PITPNM3: variants seen among roughly 807,000 people sequenced by gnomAD.
PITPNM3 encodes the protein PITPNM family member 3.
A neutral mutation model predicts 102.0 loss-of-function variants in PITPNM3; 26 were observed. The ratio of observed to expected loss-of-function variants is 0.25; its 90% confidence interval spans 0.19 to 0.35. PITPNM3 has a LOEUF of 0.35. Among genes scored for constraint, PITPNM3 ranks in the 10% least tolerant of loss-of-function variants. The probability of loss-of-function intolerance (pLI) is 1.00; values close to 1 mark genes in which losing one functional copy is unlikely to be tolerated. For synonymous variants in PITPNM3, 578 were observed against 558.6 expected (o/e 1.03, Z -0.49); for missense variants, 1,083 against 1,346.1 (o/e 0.80, Z 3.06).
intron 1 of PITPNM3, among the ~76,000 whole-genome samples, chr17:6,546,930 C>T (rs1353338672): frequency 6.6e-6 from 1 of 152,126 alleles, no homozygotes; most frequent in Admixed American, 6.5e-5. Flanking sequence ...CTGCTTGAAC[C>T]CGGGAGGTGG....
chr17:6,460,006 G>C (rs182461047), intron 18 of PITPNM3, among the ~76,000 whole-genome samples: 2 of 152,114 alleles, frequency 1.3e-5, no homozygotes, highest in Non-Finnish European at 2.9e-5. Flanking sequence ...CCACCAATGG[G>C]ATCTTTCTAT....
At chr17:6,511,967 G>A (rs927625415) in intron 3 of PITPNM3, among the ~76,000 whole-genome samples, 2 of 152,224 alleles carry the variant, frequency 1.3e-5, no homozygotes, top group African/African-American at 2.4e-5. Context: ...TCTGTGGCCA[G>A]TGATGGAGGC....
chr17:6,464,789 A>G lies in PITPNM3; in HGVS notation c.1891-18T>C. On this transcript the variant is annotated intron_variant, in intron 14 of 19. Coordinates refer to ENST00000262483, the MANE Select transcript of PITPNM3 (RefSeq NM_031220.4). ...GTGACATTCTGGAAGGACAGAAAGA[A>G]GCTGGCTCAGCCCTTGCAAGGGAGG... is the stretch of plus-strand genomic sequence containing the variant. 6.2e-7 allele frequency: 1 copy of G among 1,613,266 alleles called. No homozygotes were observed. Among genetic ancestry groups the G allele is most frequent in the Non-Finnish European group, 8.5e-7 (1 of 1,179,240 alleles).
rs568414205 is a variant in PITPNM3, at chr17:6,452,744, C to T, written c.*2594G>A. On this transcript the variant is annotated 3_prime_UTR_variant, in exon 20 of 20. Coordinates refer to ENST00000262483, the MANE Select transcript of PITPNM3 (RefSeq NM_031220.4). ...AGTTGTTGCGTTCACAATATCTCAC[C>T]GTACACCATCAGCATCTTGTGTGTG... 9.2e-5 allele frequency: 14 copies of T among 152,312 alleles called. No homozygotes were observed. In the South Asian group the frequency reaches 1.0e-3, roughly 11 times the overall value. 9.4% of individuals were successfully genotyped at this position (152,312 alleles called of 1,614,324 possible). A position where few individuals can be genotyped will look rare whatever the true frequency, so the allele number is the denominator to read the frequency against.
In PITPNM3 at chr17:6,556,555, C is replaced by A. The variant is rs1308513314; in HGVS notation, c.-149G>T. On this transcript the variant is annotated 5_prime_UTR_variant, in exon 1 of 20. Transcript: ENST00000262483. The surrounding 1 kb of genome is among the most constrained non-coding windows in gnomAD (Gnocchi z 5.2). Reference sequence around the variant, plus strand: ...CGGCTGCCGCCACCGCAGCCGCCGCCGCCTCGCCGCTCCCTCCCGCTCCCT... The same window carrying A: ...CGGCTGCCGCCACCGCAGCCGCCGCAGCCTCGCCGCTCCCTCCCGCTCCCT... 7 of 352,890 alleles carry A rather than the reference C, an allele frequency of 2.0e-5. No individual in the cohort carries two copies. The highest frequency in any genetic ancestry group is 1.7e-4 in the East Asian group (1 of 6,032). 21.9% of individuals were successfully genotyped at this position (352,890 alleles called of 1,614,324 possible). A position where few individuals can be genotyped will look rare whatever the true frequency, so the allele number is the denominator to read the frequency against.
chr17:6,455,363 G>A lies in PITPNM3; in HGVS notation c.2900C>T (p.Pro967Leu), dbSNP rs990565143. The change falls in exon 20 of 20, where the codon CCC becomes CTC. Residue 967 changes from proline (P) to leucine (L), a missense_variant. Pro to Leu is a moderately conservative substitution (Grantham distance 98). Transcript: ENST00000262483. ...TCAGGGCACCGACTCGAACTTGGGG[G>A]GCCCACGCGCCCAGCTGAGCGCCGG... Reference protein sequence around the residue: ...PLPALSWARGPPKFESVP With the variant: ...PLPALSWARGLPKFESVP 6.3e-7 allele frequency: 1 copy of A among 1,583,730 alleles called. No individual in the cohort carries two copies.
rs1908774239 is a variant in PITPNM3, at chr17:6,525,427, C to T, written c.155G>A (p.Gly52Glu). The change falls in exon 3 of 20, where the codon GGG (glycine) becomes GAG (glutamate). Residue 52 changes from glycine (G) to glutamate (E), a missense_variant. Physicochemically the swap from Gly to Glu is moderately conservative, Grantham distance 98. Around this residue, in one of 5 missense-constraint regions of PITPNM3, gnomAD observed 290 missense variants for 337.8 expected, o/e 0.86. Transcript: ENST00000262483. The part of the protein sequence containing the change: ...MAEGKNAILI[G>E]MSQWNSNDLV... ...GTCATTGGAGTTCCACTGGCTCATC[C>T]CAATGAGGATGGCATTCTTCCCTTC... The T allele has an allele frequency of 6.2e-7, 1 of 1,614,064 alleles. No homozygotes were observed. The highest frequency in any genetic ancestry group is 8.5e-7 in the Non-Finnish European group (1 of 1,180,050).
At chr17:6,499,880 G>A (rs1309578872) in intron 4 of PITPNM3, among the ~76,000 whole-genome samples, 2 of 152,046 alleles carry the variant, frequency 1.3e-5, no homozygotes, top group Admixed American at 6.6e-5. Context: ...ACAGGCGCAT[G>A]CCACCATGCC....
At position 6,470,549 on chromosome 17, in the gene PITPNM3, G is replaced by A. The variant is rs1433438753; in HGVS notation, c.1625-141C>T. Reference sequence around the variant, plus strand: ...TGGGCGGGAGCACCCTGGCCTGGAGGAGGCCTGGGGAACGCGCTGCTCTTC... The same window carrying A: ...TGGGCGGGAGCACCCTGGCCTGGAGAAGGCCTGGGGAACGCGCTGCTCTTC... On this transcript the variant is annotated intron_variant, in intron 12 of 19. Transcript: ENST00000262483. This position sits in a 1 kb window ranked among gnomAD's most constrained non-coding sequence, Gnocchi z 4.8. The A allele has an allele frequency of 1.1e-5, 12 of 1,076,560 alleles. No individual in the cohort carries two copies. In the Admixed American group the frequency reaches 1.9e-4, roughly 17 times the overall value. The allele number at this position is 1,076,560 out of a possible 1,614,324, so 66.7% of individuals were successfully genotyped here.
intron 1 of PITPNM3, among the ~76,000 whole-genome samples, chr17:6,551,994 C>T (rs1219740268): frequency 6.6e-6 from 1 of 152,186 alleles, no homozygotes; most frequent in African/African-American, 2.4e-5. Context: ...CAAATACCTA[C>T]CTCTCACGGG....
At chr17:6,466,535 A>G (rs148524044) in intron 14 of PITPNM3, among the ~76,000 whole-genome samples, 1 of 152,274 alleles carries the variant, frequency 6.6e-6, no homozygotes, top group Non-Finnish European at 1.5e-5. Context: ...AATCAAAACC[A>G]CAATGAAATA....
rs1162392043 is a variant in PITPNM3, at chr17:6,537,833, C to T, written c.118+154G>A. Among the ~76,000 whole-genome samples the T allele has an allele frequency of 6.6e-6, 1 of 152,218 alleles. No individual in the cohort carries two copies. Among genetic ancestry groups the T allele is most frequent in the Non-Finnish European group, 1.5e-5 (1 of 68,042 alleles). ...TGAACAGACGAAGGCTGAGCCCCTG[C>T]TCTTGGCACATCCACAGGATGGGTA... On this transcript the variant is annotated intron_variant, in intron 2 of 19. Transcript: ENST00000262483. This position sits in a 1 kb window ranked among gnomAD's most constrained non-coding sequence, Gnocchi z 4.4.
chr17:6,505,571 A>G (rs1907454199), intron 3 of PITPNM3, among the ~76,000 whole-genome samples: 1 of 152,198 alleles, frequency 6.6e-6, no homozygotes. Flanking sequence ...GAAACAAGGA[A>G]TGACCCAGTA....
chr17:6,458,881 AAC>A lies in PITPNM3; in HGVS notation c.2491-1161_2491-1160del, dbSNP rs913890670. Among the ~76,000 whole-genome samples, 2 of 151,874 alleles carry A rather than the reference AAC, an allele frequency of 1.3e-5. No homozygotes were observed. Among genetic ancestry groups the A allele is most frequent in the African/African-American group, 4.8e-5 (2 of 41,330 alleles). On this transcript the variant is annotated intron_variant, in intron 18 of 19. Coordinates refer to ENST00000262483, the MANE Select transcript of PITPNM3 (RefSeq NM_031220.4). This position sits in a 1 kb window ranked among gnomAD's most constrained non-coding sequence, Gnocchi z 5.1. ...GCTGCCCACCGAGAGCTGCTAAAGA[AAC>A]AGAGCCACGCAGCTCTCACCTTCCA...
intron 14 of PITPNM3, among the ~76,000 whole-genome samples, chr17:6,467,994 G>A (rs1192262194): frequency 1.3e-5 from 2 of 152,180 alleles, no homozygotes; most frequent in African/African-American, 2.4e-5. Flanking sequence ...CTAGTGTCTT[G>A]GACTCCTGCC....
At chr17:6,544,147 C>T (rs1909882102) in intron 1 of PITPNM3, among the ~76,000 whole-genome samples, 1 of 152,238 alleles carries the variant, frequency 6.6e-6, no homozygotes, top group Non-Finnish European at 1.5e-5. Context: ...GTGGCCACAG[C>T]TTCTAGGCCC....
At chr17:6,498,559 C>A (rs1205088359) in intron 4 of PITPNM3, among the ~76,000 whole-genome samples, 2 of 152,094 alleles carry the variant, frequency 1.3e-5, no homozygotes, top group Non-Finnish European at 2.9e-5. Context: ...GGCCGGGAGG[C>A]AGGGAGGCAG....
intron 4 of PITPNM3, among the ~76,000 whole-genome samples, chr17:6,487,322 T>C (rs887593989): frequency 1.4e-4 from 21 of 152,280 alleles, no homozygotes; most frequent in Middle Eastern, 3.4e-3. Flanking sequence ...GATGAGTTCA[T>C]ATGCATAAAG....
At chr17:6,465,099 C>A (rs749864353) in intron 14 of PITPNM3, among the ~76,000 whole-genome samples, 1 of 152,204 alleles carries the variant, frequency 6.6e-6, no homozygotes, top group African/African-American at 2.4e-5. Flanking sequence ...GTTGCCCAGG[C>A]TGGAGTGCAA....
Sources: gnomAD v4.1 joint callset for allele counts (sites outside exome capture counted in the v4.1 genomes callset) on GRCh38, gnomAD v4.1.1 for gene constraint, gnomAD v4.1.1 regional missense constraint, Gnocchi (gnomAD v3.1) non-coding constraint, MANE v1.5 for transcripts, NCBI Gene and HGNC (gene_info 2026-07-23, HGNC 2026-07-21) for gene names.